TENM2: variants seen among roughly 807,000 people sequenced by gnomAD.
The protein encoded by TENM2 is teneurin-2.
A neutral mutation model predicts 245.2 loss-of-function variants in TENM2; 52 were observed. That is an observed-to-expected ratio of 0.21 (90% CI 0.17 to 0.27). TENM2 has a LOEUF of 0.27. Ranked by LOEUF, TENM2 falls within the 10% of genes least tolerant of loss-of-function variation. The pLI, the probability that TENM2 is intolerant of heterozygous loss-of-function variation, is 1.00. For missense variants in TENM2, 3,046 were observed against 3,666.8 expected (o/e 0.83, Z 4.37); for synonymous variants, 1,363 against 1,438.9 (o/e 0.95, Z 1.19).
chr5:167,827,325 C>G (rs1583115334), intron 2 of TENM2, among the ~76,000 whole-genome samples: 1 of 152,124 alleles, frequency 6.6e-6, no homozygotes, highest in African/African-American at 2.4e-5. Flanking sequence ...GGGCAAGGAA[C>G]AATTATTGCA....
intron 5 of TENM2, among the ~76,000 whole-genome samples, chr5:168,023,545 G>T (rs767248511): frequency 2.4e-4 from 36 of 152,308 alleles, no homozygotes; most frequent in Non-Finnish European, 3.7e-4. Flanking sequence ...CATGGCCGGG[G>T]TCCAGGGGGA....
chr5:167,456,524 G>T (rs1000186653), intron 2 of TENM2, among the ~76,000 whole-genome samples: 7 of 152,022 alleles, frequency 4.6e-5, no homozygotes, highest in African/African-American at 1.7e-4. Flanking sequence ...CTTTATTCCA[G>T]AGGTTTTACT....
At chr5:167,008,152 C>A in the TENM2 span, among the ~76,000 whole-genome samples, 18 of 152,208 alleles carry the variant, frequency 1.2e-4, no homozygotes, top group African/African-American at 4.3e-4. Flanking sequence ...AGACACGTAG[C>A]GTATATCATA....
intron 2 of TENM2, among the ~76,000 whole-genome samples, chr5:167,718,657 T>A (rs1428022900): frequency 3.3e-5 from 5 of 152,220 alleles, no homozygotes; most frequent in South Asian, 2.1e-4. Flanking sequence ...AGAATATGGG[T>A]TTTGAGGTCA....
intron 2 of TENM2, among the ~76,000 whole-genome samples, chr5:167,408,260 G>A (rs1464612098): frequency 6.6e-6 from 1 of 152,152 alleles, no homozygotes; most frequent in Non-Finnish European, 1.5e-5. Context: ...AACTGGAGGT[G>A]TTAAGGAGTT....
intron 13 of TENM2, among the ~76,000 whole-genome samples, chr5:168,185,915 CATATATATATATAT>C (rs200942772): frequency 8.1e-5 from 6 of 73,894 alleles, no homozygotes; most frequent in South Asian, 5.8e-4. Context: ...ACCAGACTGA[CATATATATATATAT>C]ATATATATAT....
intron 2 of TENM2, among the ~76,000 whole-genome samples, chr5:167,454,137 G>T (rs1331342319): frequency 6.6e-6 from 1 of 152,064 alleles, no homozygotes; most frequent in African/African-American, 2.4e-5. Flanking sequence ...TATATTAAAG[G>T]CATGACAGAG....
At chr5:167,426,068 C>G (rs1203582019) in intron 2 of TENM2, among the ~76,000 whole-genome samples, 1 of 152,124 alleles carries the variant, frequency 6.6e-6, no homozygotes, top group African/African-American at 2.4e-5. Flanking sequence ...ATGAAATCGA[C>G]TTCAAAATAA....
chr5:168,223,319 T>G (rs1176887035), intron 23 of TENM2, among the ~76,000 whole-genome samples: 3 of 152,196 alleles, frequency 2.0e-5, no homozygotes, highest in African/African-American at 7.2e-5. Context: ...TCCCAGAGAA[T>G]GTACTTGTCA....
intron 25 of TENM2, among the ~76,000 whole-genome samples, chr5:168,230,636 T>C (rs1764786690): frequency 6.6e-6 from 1 of 152,188 alleles, no homozygotes; most frequent in Non-Finnish European, 1.5e-5. Context: ...TCTCCCTATC[T>C]ATCTATCTTA....
At chr5:167,520,307 A>G (rs202191325) in intron 2 of TENM2, among the ~76,000 whole-genome samples, 1 of 152,222 alleles carries the variant, frequency 6.6e-6, no homozygotes, top group East Asian at 1.9e-4. Context: ...TGGTTATGAA[A>G]CAGCAGGATC....
intron 2 of TENM2, among the ~76,000 whole-genome samples, chr5:167,441,271 A>G (rs2127459826): frequency 6.6e-6 from 1 of 152,304 alleles, no homozygotes; most frequent in Middle Eastern, 3.4e-3. Flanking sequence ...AGTAATCTTT[A>G]TATACCAGTT....
chr5:168,013,393 C>A (rs561779408), intron 5 of TENM2, among the ~76,000 whole-genome samples: 2 of 152,104 alleles, frequency 1.3e-5, no homozygotes. Context: ...CACCTGAGGT[C>A]AGGAGTTCAA....
At chr5:167,601,407 A>G (rs1207207620) in intron 2 of TENM2, among the ~76,000 whole-genome samples, 3 of 152,266 alleles carry the variant, frequency 2.0e-5, no homozygotes, top group Non-Finnish European at 4.4e-5. Flanking sequence ...GGATTACCAT[A>G]TGGGACAATG....
At chr5:167,144,187 T>G in the TENM2 span, among the ~76,000 whole-genome samples, 4 of 152,010 alleles carry the variant, frequency 2.6e-5, no homozygotes, top group Admixed American at 1.3e-4. Flanking sequence ...TGGCAAAGAG[T>G]ACGCTGGTGG....
At chr5:167,860,383 C>CT (rs1771660813) in intron 2 of TENM2, among the ~76,000 whole-genome samples, 3 of 90,922 alleles carry the variant, frequency 3.3e-5, no homozygotes, top group Non-Finnish European at 6.3e-5. Flanking sequence ...GTCAGCCCCC[C>CT]GCCCGGCCAG....
intron 2 of TENM2, among the ~76,000 whole-genome samples, chr5:167,643,322 C>T (rs926029946): frequency 1.3e-5 from 2 of 152,158 alleles, no homozygotes; most frequent in East Asian, 3.9e-4. Flanking sequence ...ATAAATTTGC[C>T]GTTTCTGGAA....
chr5:167,983,554 T>G (rs1783005311), intron 4 of TENM2, among the ~76,000 whole-genome samples: 1 of 152,178 alleles, frequency 6.6e-6, no homozygotes, highest in Non-Finnish European at 1.5e-5. Context: ...GGTTCAGGGA[T>G]GAGAAACCTT....
intron 2 of TENM2, among the ~76,000 whole-genome samples, chr5:167,414,313 A>G (rs1362440622): frequency 6.6e-6 from 1 of 152,170 alleles, no homozygotes; most frequent in Non-Finnish European, 1.5e-5. Flanking sequence ...ATCTAAAAGC[A>G]TATTTTAAAA....
Sources: allele counts gnomAD v4.1 joint callset (sites outside exome capture counted in the v4.1 genomes callset), GRCh38; gene constraint gnomAD v4.1.1; transcripts MANE v1.5; gene names NCBI Gene and HGNC (gene_info 2026-07-23, HGNC 2026-07-21).